The following CD22 variants were observed in gnomAD, a reference collection of about 807,000 sequenced individuals.
CD22 encodes CD22 molecule.
A neutral mutation model predicts 94.7 loss-of-function variants in CD22; 51 were observed. The observed-to-expected ratio is 0.54, with a 90% CI of 0.43 to 0.68. The LOEUF (loss-of-function observed/expected upper bound fraction) is 0.68. CD22 is among the 30% of genes least tolerant of loss of function. The pLI is 0.00. For missense variants in CD22, 931 were observed against 1,060.4 expected (o/e 0.88, Z 1.69); for synonymous variants, 424 against 422.5 (o/e 1.00, Z -0.04).
chr19:35,346,259 C>CTGG, intron 13 of CD22, 24 bp downstream of exon 13: 1 of 1,592,208 alleles, frequency 6.3e-7, no homozygotes, highest in Non-Finnish European at 8.6e-7. Context: ...CCCCAGGTCT[C>CTGG]CCCAGAGGGG....
rs771152146 is a variant in CD22 at position 35,332,656 on chromosome 19, C to G, written c.144C>G (p.Ala48=). The change falls in exon 3 of 14, where the codon GCC becomes GCG. Residue 48 remains alanine (A), a synonymous_variant. Transcript: ENST00000085219. ...TCTGGATCCCCTGCACCTACAGAGC[C>G]CTAGATGGTGACCTGGAAAGCTTCA... ...ACVWIPCTYR[A]LDGDLESFIL... The G allele has an allele frequency of 4.3e-6, 7 of 1,613,988 alleles. No individual in the cohort carries two copies. In the Admixed American group the frequency reaches 1.2e-4, roughly 27 times the overall value.
rs1268516675 is a variant in CD22 at position 35,341,259 on chromosome 19, C to G, written c.1508-84C>G. 2 of 1,592,192 alleles carry G rather than the reference C, an allele frequency of 1.3e-6. No individual in the cohort carries two copies. The highest frequency in any genetic ancestry group is 1.7e-6 in the Non-Finnish European group (2 of 1,166,558). ...ACAGAATTGAGGGACAGGAGCCTGG[C>G]GTCAGGGCCAAGGGGAGGGGAGGCC... On this transcript the variant is annotated intron_variant, in intron 7 of 13. Coordinates refer to ENST00000085219, the MANE Select transcript of CD22 (RefSeq NM_001771.4). This position sits in a 1 kb window ranked among gnomAD's most constrained non-coding sequence, Gnocchi z 4.0.
chr19:35,343,273 A>C (rs543091585), intron 9 of CD22, among the ~76,000 whole-genome samples: 103 of 152,178 alleles, frequency 6.8e-4, no homozygotes, highest in African/African-American at 2.5e-3. Flanking sequence ...GCACCTGGTA[A>C]AAAAATAAAA....
At position 35,336,405 on chromosome 19, in the gene CD22, A is replaced by AG. The variant is rs572402032; in HGVS notation, c.718+69dup. 3.7e-4 allele frequency: 547 copies of AG among 1,490,540 alleles called. 4 individuals carry two copies. The African/African-American group carries it at 5.4e-3, about 15-fold the overall frequency. The allele number at this position is 1,490,540 out of a possible 1,614,324, so 92.3% of individuals were successfully genotyped here. On this transcript the variant is annotated intron_variant, in intron 4 of 13. Coordinates refer to ENST00000085219, the MANE Select transcript of CD22 (RefSeq NM_001771.4). The stretch of plus-strand genomic sequence containing the variant: ...TGTGTCACCTTCTCCCCAGCCCCGC[A>AG]GGGGGCATGCACCCAGGGCAGGGGG...
rs145456577 is a variant in CD22, at chr19:35,337,729, C to T, written c.719-26C>T. The T allele has an allele frequency of 1.0e-4, 158 of 1,570,508 alleles. No homozygotes were observed. In the African/African-American group the frequency reaches 1.8e-3, roughly 18 times the overall value. On this transcript the variant is annotated intron_variant, in intron 4 of 13. Coordinates refer to ENST00000085219, the MANE Select transcript of CD22 (RefSeq NM_001771.4). The surrounding 1 kb of genome is among the most constrained non-coding windows in gnomAD (Gnocchi z 4.4). ...ACCCTCTGAGGATTCCCCGCCCCCT[C>T]CCCGACTGCCCCTCTGCTCCTCCAG...
intron 9 of CD22, among the ~76,000 whole-genome samples, chr19:35,343,099 A>ATT (rs762734941): frequency 0.014 from 1,904 of 132,908 alleles, 48 homozygotes; most frequent in African/African-American, 0.049. Context: ...CACCCGGCTG[A>ATT]TTTTTTTTTT....
At chr19:35,342,595 G>A (rs1242204690) in intron 9 of CD22, among the ~76,000 whole-genome samples, 3 of 151,926 alleles carry the variant, frequency 2.0e-5, no homozygotes, top group African/African-American at 7.3e-5. Context: ...CTTGCTCCAG[G>A]CCATCTGCCG....
intron 6 of CD22, among the ~76,000 whole-genome samples, chr19:35,338,890 A>G (rs530926615): frequency 1.3e-5 from 2 of 151,470 alleles, no homozygotes; most frequent in South Asian, 4.2e-4. Context: ...CGGCCTCCCA[A>G]AGTGCTGGGA....
intron 3 of CD22, among the ~76,000 whole-genome samples, chr19:35,333,484 A>G (rs2145649507): frequency 6.6e-6 from 1 of 152,348 alleles, no homozygotes; most frequent in Middle Eastern, 3.4e-3. Context: ...GTGCAGTGCC[A>G]TAACTGAGCC....
chr19:35,344,924 C>A lies in CD22; in HGVS notation c.2131C>A (p.Arg711Ser), dbSNP rs368507133. The A allele has an allele frequency of 6.2e-6, 10 of 1,612,552 alleles. No individual in the cohort carries two copies. In the African/African-American group the frequency reaches 1.3e-4, roughly 22 times the overall value. The change falls in exon 10 of 14, where the codon CGT (arginine) becomes AGT (serine). Residue 711 changes from arginine (R) to serine (S), a missense_variant and splice_region_variant. Physicochemically the swap from Arg to Ser is moderately radical, Grantham distance 110. Transcript: ENST00000085219. ...LAICGLKLQR[R>S]WKRTQSQQGL... ...AATCTGTGGGCTCAAGCTCCAGCGA[C>A]GGTGAGCTCCTGCCATCCCCCACCA...
At chr19:35,338,569 G>A (rs764778695) in intron 6 of CD22, 138 bp downstream of exon 6, 3 of 814,366 alleles carry the variant, frequency 3.7e-6, no homozygotes, top group African/African-American at 3.5e-5. Context: ...CACAACTGCT[G>A]TCTCAGCTCC....
chr19:35,345,507 A>C (rs757742755), intron 11 of CD22, 95 bp from the exon 12 acceptor site: 35 of 730,672 alleles, frequency 4.8e-5, no homozygotes, highest in Admixed American at 4.5e-5. Flanking sequence ...AGGGGATAAA[A>C]TGTCCTCTGA....
At chr19:35,330,856 ATGG>A (rs1185349002) in intron 1 of CD22, 1 of 152,244 alleles carries the variant, frequency 6.6e-6, no homozygotes, top group African/African-American at 2.4e-5. Flanking sequence ...AGAAAGAAAG[ATGG>A]GCAACAGTTG....
At chr19:35,334,995 G>A (rs1308917431) in intron 3 of CD22, among the ~76,000 whole-genome samples, 1 of 149,316 alleles carries the variant, frequency 6.7e-6, no homozygotes, top group Non-Finnish European at 1.5e-5. Context: ...GGAGAATGGC[G>A]TGAACCCGGA....
In CD22 at chr19:35,332,861, C is replaced by T. The variant is rs1452951436; in HGVS notation, c.349C>T (p.Leu117=). 9.3e-6 allele frequency: 15 copies of T among 1,614,044 alleles called. No homozygotes were observed. Among genetic ancestry groups the T allele is most frequent in the Non-Finnish European group, 1.2e-5 (14 of 1,180,026 alleles). ...GGTGCACCTCAATGACAGTGGTCAG[C>T]TGGGGCTGAGGATGGAGTCCAAGAC... ...HPVHLNDSGQ[L]GLRMESKTEK... The change falls in exon 3 of 14, where the codon CTG becomes TTG. Residue 117 remains leucine, a synonymous_variant. Transcript: ENST00000085219.
At chr19:35,336,550 A>T in intron 4 of CD22, 1 of 562,042 alleles carries the variant, frequency 1.8e-6, no homozygotes. Context: ...TCAAGCCATG[A>T]CATGAATTGG....
intron 9 of CD22, among the ~76,000 whole-genome samples, chr19:35,342,621 C>T (rs1484235853): frequency 4.6e-5 from 7 of 152,062 alleles, no homozygotes; most frequent in Non-Finnish European, 7.4e-5. Flanking sequence ...CTGGAGGAGT[C>T]GTCTTGTCCT....
At chr19:35,340,836 T>C in intron 6 of CD22, 45 bp from the exon 7 acceptor site, 1 of 1,611,874 alleles carries the variant, frequency 6.2e-7, no homozygotes, top group East Asian at 2.2e-5. Context: ...AGGGGTACTG[T>C]GGACAGCTGG....
intron 4 of CD22, 166 bp downstream of exon 4, chr19:35,336,507 T>C: frequency 1.6e-6 from 1 of 623,994 alleles, no homozygotes; most frequent in East Asian, 2.7e-5. Context: ...GAAAAAGATT[T>C]GCTCTAGCCT....
Sources: gnomAD v4.1 joint callset for allele counts (sites outside exome capture counted in the v4.1 genomes callset) on GRCh38, gnomAD v4.1.1 for gene constraint, Gnocchi (gnomAD v3.1) non-coding constraint, MANE v1.5 for transcripts, NCBI Gene and HGNC (gene_info 2026-07-23, HGNC 2026-07-21) for gene names.